KAT6B: variants seen among roughly 807,000 people sequenced by gnomAD.
The protein encoded by KAT6B is histone acetyltransferase KAT6B.
In KAT6B, 10 loss-of-function variants were observed where a neutral mutation model predicts 187.5. The ratio of observed to expected loss-of-function variants is 0.05; its 90% CI spans 0.03 to 0.09. The LOEUF (loss-of-function observed/expected upper bound fraction) is 0.09. KAT6B is among the 10% of genes least tolerant of loss of function. The probability of loss-of-function intolerance (pLI) is 1.00; values close to 1 mark genes in which losing one functional copy is unlikely to be tolerated. For synonymous variants in KAT6B, 861 were observed against 926.8 expected, an observed-to-expected ratio of 0.93 and a Z score of 1.29; for missense variants, 1,952 against 2,558.9, an observed-to-expected ratio of 0.76 and a Z score of 5.12.
rs1310142141 is a variant in KAT6B, at chr10:75,021,298, T to G, written c.3021+13T>G. ...AGCTGAGAAAGAGGTAATGATTGTC[T>G]TTATCATCCTAAGTTGTGTAACTTC... On this transcript the variant is annotated intron_variant, in intron 15 of 17. Coordinates refer to ENST00000287239, the MANE Select transcript of KAT6B (RefSeq NM_012330.4). 2 of 1,613,372 alleles carry G rather than the reference T, an allele frequency of 1.2e-6. No individual in the cohort carries two copies. The highest frequency in any genetic ancestry group is 1.7e-5 in the Admixed American group (1 of 60,030).
intron 3 of KAT6B, among the ~76,000 whole-genome samples, chr10:74,903,308 C>G (rs1011804469): frequency 6.6e-6 from 1 of 152,204 alleles, no homozygotes; most frequent in Non-Finnish European, 1.5e-5. Flanking sequence ...AGATATCACC[C>G]ATGATTCTAC....
At chr10:74,917,637 A>T (rs147397711) in intron 3 of KAT6B, among the ~76,000 whole-genome samples, 43 of 152,356 alleles carry the variant, frequency 2.8e-4, no homozygotes, top group African/African-American at 1.0e-3. Flanking sequence ...TGCTAAAACA[A>T]TGTAGTGCCT....
At position 75,030,391 on chromosome 10, in the gene KAT6B, C is replaced by T. The variant is rs1296238510; in HGVS notation, c.5567C>T (p.Thr1856Ile). The change falls in exon 18 of 18, where the codon ACA becomes ATA. Residue 1856 changes from threonine to isoleucine, a missense_variant. Physicochemically the swap from Thr to Ile is moderately conservative, Grantham distance 89. This residue lies in a region of KAT6B where 358 missense variants were observed against 436.3 expected (regional missense o/e 0.82). Coordinates refer to ENST00000287239, the MANE Select transcript of KAT6B (RefSeq NM_012330.4). This position sits in a 1 kb window ranked among gnomAD's most constrained non-coding sequence, Gnocchi z 4.8. The part of the protein sequence containing the change: ...SASLSTPLSN[T>I]GLVQLSQSPH... ...TCTTTGTCCACACCATTAAGTAACACAGGGCTTGTTCAACTTTCTCAGTCT... is the reference window on the plus strand; with the variant it reads ...TCTTTGTCCACACCATTAAGTAACATAGGGCTTGTTCAACTTTCTCAGTCT... 2.0e-5 allele frequency: 33 copies of T among 1,614,122 alleles called. No individual in the cohort carries two copies. Among genetic ancestry groups the T allele is most frequent in the Non-Finnish European group, 2.6e-5 (31 of 1,180,044 alleles).
At chr10:74,877,571 C>T (rs1328497754) in intron 3 of KAT6B, among the ~76,000 whole-genome samples, 1 of 152,036 alleles carries the variant, frequency 6.6e-6, no homozygotes, top group African/African-American at 2.4e-5. Flanking sequence ...AATGATTTTA[C>T]ATTGCTTAGT....
rs183158952 is a variant in KAT6B, at chr10:74,833,066, C to T, written c.-328-5617C>T. ...AGGAGAGTCGTTTGAACCCGGGAGG[C>T]GGAGGTTGCAGTGAGCCGAGATCAC... On this transcript the variant is annotated intron_variant, in intron 1 of 17. Transcript: ENST00000287239. 3.3e-3 allele frequency among the ~76,000 whole-genome samples: 440 copies of T among 135,150 alleles called. 1 individual carries two copies. The highest frequency in any genetic ancestry group is 0.013 in the Middle Eastern group (3 of 228). The allele number at this position is 135,150 out of a possible 152,430, so 88.7% of individuals were successfully genotyped here. A position where few individuals can be genotyped will look rare whatever the true frequency, so the allele number is the denominator to read the frequency against.
At chr10:74,899,097 G>C (rs1470643600) in intron 3 of KAT6B, among the ~76,000 whole-genome samples, 1 of 150,660 alleles carries the variant, frequency 6.6e-6, no homozygotes, top group Non-Finnish European at 1.5e-5. Flanking sequence ...AGAGGCGGAG[G>C]TTGCAGTGAG....
intron 5 of KAT6B, 91 bp downstream of exon 5, chr10:74,969,866 T>C (rs185999593): frequency 9.4e-7 from 1 of 1,061,836 alleles, no homozygotes; most frequent in Non-Finnish European, 1.4e-6. Context: ...GCTACTTTCT[T>C]TCTAAAGCTT....
chr10:74,871,498 A>G (rs1179263588), intron 3 of KAT6B, among the ~76,000 whole-genome samples: 1 of 152,090 alleles, frequency 6.6e-6, no homozygotes, highest in Non-Finnish European at 1.5e-5. Context: ...TAGCCCTCAT[A>G]TGGTTTATGA....
At chr10:74,881,355 A>T (rs1341211198) in intron 3 of KAT6B, among the ~76,000 whole-genome samples, 2 of 152,164 alleles carry the variant, frequency 1.3e-5, no homozygotes, top group African/African-American at 4.8e-5. Context: ...CACCTCGTCC[A>T]TAAGGTTGTT....
chr10:74,826,354 A>G (rs758973653), upstream of KAT6B, among the ~76,000 whole-genome samples: 2 of 151,804 alleles, frequency 1.3e-5, no homozygotes, highest in Non-Finnish European at 2.9e-5. Flanking sequence ...GTTGATTGGT[A>G]TTGGCAGTGG....
At chr10:74,994,062 C>T (rs548425744) in intron 13 of KAT6B, among the ~76,000 whole-genome samples, 1 of 152,136 alleles carries the variant, frequency 6.6e-6, no homozygotes, top group South Asian at 2.1e-4. Context: ...CCTAGTTTTA[C>T]CATTCACTTA....
intron 3 of KAT6B, among the ~76,000 whole-genome samples, chr10:74,855,303 T>A (rs1842747406): frequency 6.6e-6 from 1 of 152,232 alleles, no homozygotes; most frequent in Non-Finnish European, 1.5e-5. Flanking sequence ...CTTGACTGTT[T>A]CTGTTAGTAG....
At chr10:74,948,648 G>T (rs931579824) in intron 3 of KAT6B, among the ~76,000 whole-genome samples, 8 of 152,228 alleles carry the variant, frequency 5.3e-5, no homozygotes, top group African/African-American at 1.7e-4. Flanking sequence ...TAAAATGAAT[G>T]CCTTGGGGCA....
chr10:74,978,055 G>A (rs1284348566), intron 9 of KAT6B, among the ~76,000 whole-genome samples: 1 of 152,172 alleles, frequency 6.6e-6, no homozygotes, highest in African/African-American at 2.4e-5. Context: ...TTGTGTCAGT[G>A]ACTACATTCG....
At chr10:74,951,906 T>C (rs1292197262) in intron 3 of KAT6B, among the ~76,000 whole-genome samples, 1 of 152,240 alleles carries the variant, frequency 6.6e-6, no homozygotes, top group Non-Finnish European at 1.5e-5. Context: ...TTCATTTGTT[T>C]ATTCATTTAT....
chr10:75,025,636 A>G (rs778635780), intron 17 of KAT6B: 4 of 228,294 alleles, frequency 1.8e-5, no homozygotes, highest in Non-Finnish European at 3.5e-5. Context: ...TGAGCATTGA[A>G]TGGAATCGTT....
At chr10:74,942,039 A>G (rs1849702411) in intron 3 of KAT6B, among the ~76,000 whole-genome samples, 1 of 152,162 alleles carries the variant, frequency 6.6e-6, no homozygotes, top group South Asian at 2.1e-4. Flanking sequence ...AATCCCAGCT[A>G]CTCAGGAGGC....
In KAT6B at chr10:74,898,453, AT is replaced by A. The variant is rs75371151; in HGVS notation, c.621+54987del. On this transcript the variant is annotated intron_variant, in intron 3 of 17. Coordinates refer to ENST00000287239, the MANE Select transcript of KAT6B (RefSeq NM_012330.4). The stretch of plus-strand genomic sequence containing the variant: ...GGGTCTTCACTGCCTTCTTTCTACA[AT>A]TTTTTTTTTTTAAGGGAATAGGGTC... Among the ~76,000 whole-genome samples, 498 of 146,466 alleles carry A rather than the reference AT, an allele frequency of 3.4e-3. 4 individuals are homozygous for A. Among genetic ancestry groups the A allele is most frequent in the African/African-American group, 9.6e-3 (387 of 40,184 alleles).
chr10:74,851,956 CCCT>C (rs1460684104), intron 3 of KAT6B, among the ~76,000 whole-genome samples: 10 of 152,174 alleles, frequency 6.6e-5, no homozygotes, highest in Non-Finnish European at 1.5e-4. Flanking sequence ...CTAGAGCAGA[CCCT>C]CCTCATCTGT....
Sources: gnomAD v4.1 joint callset for allele counts (sites outside exome capture counted in the v4.1 genomes callset) on GRCh38, gnomAD v4.1.1 for gene constraint, gnomAD v4.1.1 regional missense constraint, Gnocchi (gnomAD v3.1) non-coding constraint, MANE v1.5 for transcripts, NCBI Gene and HGNC (gene_info 2026-07-23, HGNC 2026-07-21) for gene names.